The following SLC4A4 variants were observed in gnomAD, a reference collection of about 807,000 sequenced individuals.
SLC4A4 encodes the protein solute carrier family 4 member 4.
In SLC4A4, 27 loss-of-function variants were observed where a neutral mutation model predicts 111.5. The ratio of observed to expected loss-of-function variants is 0.24; its 90% CI spans 0.18 to 0.33. The LOEUF (loss-of-function observed/expected upper bound fraction) is 0.33. Among genes scored for constraint, SLC4A4 ranks in the 10% least tolerant of loss-of-function variants. The pLI is 1.00. For missense variants in SLC4A4, 909 were observed against 1,315.5 expected, an observed-to-expected ratio of 0.69 and a Z score of 4.78; for synonymous variants, 443 against 463.4, an observed-to-expected ratio of 0.96 and a Z score of 0.57.
Position 71,335,070 on chromosome 4 carries a change from TGGAG to T in SLC4A4, c.254-4290_254-4287del, listed in dbSNP as rs200511516. On this transcript the variant is annotated intron_variant, in intron 3 of 25. Transcript: ENST00000264485. ...AACAGACACAGGGGCCTACGTGAAG[TGGAG>T]GGAGGGAGGAAGGTGAGGATCAAAA... Among the ~76,000 whole-genome samples the T allele has an allele frequency of 7.9e-3, 1,198 of 152,112 alleles. 17 individuals are homozygous for T. The highest frequency in any genetic ancestry group is 0.026 in the African/African-American group (1,060 of 41,474).
intron 6 of SLC4A4, among the ~76,000 whole-genome samples, chr4:71,397,000 G>A (rs1719875748): frequency 6.6e-6 from 1 of 152,182 alleles, no homozygotes; most frequent in Admixed American, 6.5e-5. Context: ...CAAAGAGTGA[G>A]GATTCTACAT....
In SLC4A4 at chr4:71,161,332, C is replaced by T. The variant is rs537719449; in HGVS notation, c.-2+68540C>T. 7.6e-4 allele frequency among the ~76,000 whole-genome samples: 116 copies of T among 152,294 alleles called. No homozygotes were observed. The South Asian group carries it at 0.013, about 17-fold the overall frequency. On this transcript the variant is annotated intron_variant, in intron 2 of 26. Coordinates refer to the SLC4A4 transcript ENST00000649996. ...TAACTCTACACGAACACTTATTGCC[C>T]TAGCCAAGCATCATCAGCTATATCC...
intron 4 of SLC4A4, 97 bp downstream of exon 4, chr4:71,339,602 T>G: frequency 8.6e-7 from 1 of 1,158,686 alleles, no homozygotes; most frequent in Non-Finnish European, 1.3e-6. Flanking sequence ...CTTAGCACTT[T>G]GAATGGCCAA....
At chr4:71,200,819 AG>A (rs397803811) in intron 1 of SLC4A4, among the ~76,000 whole-genome samples, 1 of 151,240 alleles carries the variant, frequency 6.6e-6, no homozygotes. Flanking sequence ...AAAAAAAAAA[AG>A]GATGAGTGGT....
chr4:71,405,112 C>T (rs1490518393), intron 7 of SLC4A4, among the ~76,000 whole-genome samples: 2 of 152,004 alleles, frequency 1.3e-5, no homozygotes, highest in African/African-American at 4.8e-5. Context: ...CACTATGCCC[C>T]ACCCATGGAA....
intron 2 of SLC4A4, among the ~76,000 whole-genome samples, chr4:71,108,029 A>G (rs966728664): frequency 1.1e-4 from 16 of 152,100 alleles, no homozygotes; most frequent in Admixed American, 5.2e-4. Context: ...TACCATATTA[A>G]CTTCAATAAC....
chr4:71,434,066 C>T (rs972887758), intron 7 of SLC4A4, among the ~76,000 whole-genome samples: 1 of 151,928 alleles, frequency 6.6e-6, no homozygotes, highest in Non-Finnish European at 1.5e-5. Context: ...TGCCCATACA[C>T]ATGTATAATA....
chr4:71,332,689 C>T (rs1266408911), intron 3 of SLC4A4, among the ~76,000 whole-genome samples: 1 of 152,176 alleles, frequency 6.6e-6, no homozygotes, highest in Non-Finnish European at 1.5e-5. Flanking sequence ...GCCTCGGCCT[C>T]CCAAAGTGCT....
At chr4:71,355,984 G>A (rs1288390846) in intron 5 of SLC4A4, among the ~76,000 whole-genome samples, 2 of 152,182 alleles carry the variant, frequency 1.3e-5, no homozygotes, top group African/African-American at 2.4e-5. Context: ...CACATTCTGT[G>A]CAGAGGACAA....
chr4:71,062,688 A>G (rs1741420218), exon 1 of SLC4A4, among the ~76,000 whole-genome samples: 2 of 152,192 alleles, frequency 1.3e-5, no homozygotes, highest in Admixed American at 1.3e-4. Flanking sequence ...ATCATTCAGA[A>G]GATATAAGAA....
At chr4:71,275,517 G>C (rs993722858) in intron 3 of SLC4A4, among the ~76,000 whole-genome samples, 10 of 152,176 alleles carry the variant, frequency 6.6e-5, no homozygotes, top group African/African-American at 2.4e-4. Context: ...TTCTATAACT[G>C]GTTCTTTGCC....
intron 2 of SLC4A4, among the ~76,000 whole-genome samples, chr4:71,117,273 A>C (rs775695235): frequency 1.3e-5 from 2 of 152,162 alleles, no homozygotes; most frequent in Non-Finnish European, 2.9e-5. Context: ...GAGCCACCAC[A>C]TCCCACCAAA....
chr4:71,421,099 T>C lies in SLC4A4; in HGVS notation c.808-19517T>C, dbSNP rs1722429505. Among the ~76,000 whole-genome samples the C allele has an allele frequency of 3.3e-5, 5 of 149,842 alleles. No homozygotes were observed. The South Asian group carries it at 1.1e-3, about 33-fold the overall frequency. On this transcript the variant is annotated intron_variant, in intron 7 of 25. Coordinates refer to ENST00000264485, the MANE Select transcript of SLC4A4 (RefSeq NM_001098484.3). The stretch of plus-strand genomic sequence containing the variant: ...CTGTATTCAGGAAACCCATCTCACG[T>C]GCAGAGACACACATAGGCTCAAAAT...
chr4:71,493,200 A>T (rs1456536590), intron 15 of SLC4A4, among the ~76,000 whole-genome samples: 2 of 152,038 alleles, frequency 1.3e-5, no homozygotes, highest in Non-Finnish European at 2.9e-5. Context: ...ATGAATTTTA[A>T]ATAAATATTG....
Position 71,118,095 on chromosome 4 carries a change from C to T in SLC4A4, c.-2+25303C>T, listed in dbSNP as rs567949832. 4.5e-4 allele frequency among the ~76,000 whole-genome samples: 68 copies of T among 152,222 alleles called. 1 individual carries two copies. The South Asian group carries it at 0.014, about 30-fold the overall frequency. ...TTCTCTATGTTGGTCAGGCTGGTCT[C>T]GAACTCCCGACCTCAGGTGATCTGC... On this transcript the variant is annotated intron_variant, in intron 2 of 26. Transcript: ENST00000649996.
At position 71,378,417 on chromosome 4, in the gene SLC4A4, G is replaced by C. The variant is rs149525179; in HGVS notation, c.731-19160G>C. 4.0e-3 allele frequency among the ~76,000 whole-genome samples: 616 copies of C among 152,304 alleles called. 1 individual carries two copies. Among genetic ancestry groups the C allele is most frequent in the Non-Finnish European group, 6.6e-3 (450 of 68,020 alleles). On this transcript the variant is annotated intron_variant, in intron 6 of 25. Coordinates refer to ENST00000264485, the MANE Select transcript of SLC4A4 (RefSeq NM_001098484.3). ...AGGATGAGGGCTTTTCACATAATGA[G>C]GGAGGGTTGCCAGTTCAAGGTCTAC...
intron 5 of SLC4A4, among the ~76,000 whole-genome samples, chr4:71,356,505 G>T (rs991165922): frequency 3.6e-4 from 55 of 152,102 alleles, no homozygotes; most frequent in African/African-American, 1.3e-3. Context: ...GTGTTCAGAT[G>T]ACCTGATATT....
chr4:71,175,328 A>C (rs1223613941), intron 2 of SLC4A4, among the ~76,000 whole-genome samples: 2 of 152,006 alleles, frequency 1.3e-5, no homozygotes, highest in African/African-American at 4.8e-5. Flanking sequence ...CTCACTGGGG[A>C]TTGTTGGACA....
intron 7 of SLC4A4, among the ~76,000 whole-genome samples, chr4:71,402,941 A>T (rs951276445): frequency 6.6e-6 from 1 of 152,234 alleles, no homozygotes; most frequent in African/African-American, 2.4e-5. Flanking sequence ...CCATATTCTT[A>T]AAGCTTAAAC....
Sources: gnomAD v4.1 joint callset for allele counts (sites outside exome capture counted in the v4.1 genomes callset) on GRCh38, gnomAD v4.1.1 for gene constraint, MANE v1.5 for transcripts, NCBI Gene and HGNC (gene_info 2026-07-23, HGNC 2026-07-21) for gene names.